The following DEFB109B variants were observed in gnomAD, a reference collection of about 807,000 sequenced individuals.
DEFB109B encodes the protein defensin beta 109B.
intron 1 of DEFB109B, among the ~76,000 whole-genome samples, chr8:7,315,626 A>G (rs1157848613): frequency 1.5e-5 from 2 of 132,302 alleles, no homozygotes; most frequent in African/African-American, 7.5e-5. Flanking sequence ...AACTATCACA[A>G]GCCCACACTC....
upstream of DEFB109B, among the ~76,000 whole-genome samples, chr8:7,312,194 A>G (rs1187893128): frequency 7.6e-6 from 1 of 131,006 alleles, no homozygotes; most frequent in Non-Finnish European, 1.5e-5. Context: ...GAGTGGGGAA[A>G]GAGCAATATG....
At chr8:7,318,944 T>C (rs914424862) in intron 1 of DEFB109B, 9 of 146,432 alleles carry the variant, frequency 6.1e-5, no homozygotes, top group Non-Finnish European at 1.2e-4. Flanking sequence ...ATCTATTCTA[T>C]GACTAAGACA....
upstream of DEFB109B, among the ~76,000 whole-genome samples, chr8:7,310,514 A>G (rs1802559780): frequency 7.4e-6 from 1 of 135,188 alleles, no homozygotes; most frequent in Non-Finnish European, 1.5e-5. Context: ...TATTAGGATT[A>G]TTTTAGTACT....
chr8:7,309,604 T>G (rs1463223959), upstream of DEFB109B, among the ~76,000 whole-genome samples: 3 of 148,126 alleles, frequency 2.0e-5, no homozygotes, highest in Admixed American at 6.6e-5. Flanking sequence ...CATGCCCTTC[T>G]GCATTGAGCA....
upstream of DEFB109B, among the ~76,000 whole-genome samples, chr8:7,310,652 A>C (rs549288921): frequency 6.9e-6 from 1 of 145,610 alleles, no homozygotes; most frequent in East Asian, 1.9e-4. Context: ...TGTATCCCAC[A>C]CTCCACATAG....
upstream of DEFB109B, among the ~76,000 whole-genome samples, chr8:7,309,686 G>A (rs1802501571): frequency 6.8e-6 from 1 of 146,572 alleles, no homozygotes; most frequent in African/African-American, 2.7e-5. Flanking sequence ...AGGACTTATT[G>A]CTTTTACCCA....
upstream of DEFB109B, among the ~76,000 whole-genome samples, chr8:7,309,632 G>T (rs1320049291): frequency 7.4e-5 from 11 of 147,958 alleles, no homozygotes; most frequent in African/African-American, 2.9e-4. Context: ...ATGAATCACA[G>T]GTATAAGACC....
At chr8:7,315,675 C>T (rs1431393773) in intron 1 of DEFB109B, among the ~76,000 whole-genome samples, 1 of 132,702 alleles carries the variant, frequency 7.5e-6, no homozygotes, top group African/African-American at 3.7e-5. Context: ...TTGTTTCCTT[C>T]TTATCTCCAT....
At chr8:7,316,916 C>G (rs1244378852) in intron 1 of DEFB109B, among the ~76,000 whole-genome samples, 1 of 127,238 alleles carries the variant, frequency 7.9e-6, no homozygotes. Flanking sequence ...GCTGCAATTA[C>G]AGGCATGAGC....
chr8:7,315,253 C>A (rs1030868284), intron 1 of DEFB109B, among the ~76,000 whole-genome samples: 2 of 122,100 alleles, frequency 1.6e-5, no homozygotes, highest in Non-Finnish European at 3.1e-5. Context: ...CGCGGTGGCT[C>A]ACGCCTGTAA....
At chr8:7,315,335 A>G (rs1316620998) in intron 1 of DEFB109B, among the ~76,000 whole-genome samples, 2 of 136,162 alleles carry the variant, frequency 1.5e-5, no homozygotes, top group Non-Finnish European at 3.0e-5. Context: ...CCCTTTCTCT[A>G]CTAAATACAA....
Position 7,319,738 on chromosome 8 carries a change from T to C in DEFB109B, n.59-8T>C, listed in dbSNP as rs1200618177. 2 of 147,866 alleles carry C rather than the reference T, an allele frequency of 1.4e-5. No homozygotes were observed. The highest frequency in any genetic ancestry group is 2.1e-4 in the South Asian group (1 of 4,802). The allele number at this position is 147,866 out of a possible 1,614,324, so 9.2% of individuals were successfully genotyped here. ...ACTAACTATCTCACTGGATCTTCTT[T>C]CCTTCAGTAAGAGGTGGTTTGGGTC... is the stretch of plus-strand genomic sequence containing the variant. On this transcript the variant is annotated splice_region_variant and splice_polypyrimidine_tract_variant and intron_variant and non_coding_transcript_variant, in intron 1 of 1. Transcript: ENST00000382656.
rs938367356 is a variant in DEFB109B at position 7,319,027 on chromosome 8, A to C, written n.59-719A>C. Reference sequence around the variant, plus strand: ...AAGTAATTTCTACTTATGTTTAAACAGGTGAAACCACGAATAAATTGAAAG... The same window carrying C: ...AAGTAATTTCTACTTATGTTTAAACCGGTGAAACCACGAATAAATTGAAAG... On this transcript the variant is annotated intron_variant and non_coding_transcript_variant, in intron 1 of 1. Transcript: ENST00000382656. 1.2e-4 allele frequency: 17 copies of C among 144,778 alleles called. 2 individuals are homozygous for C. The highest frequency in any genetic ancestry group is 4.3e-4 in the African/African-American group (15 of 34,614). The allele number at this position is 144,778 out of a possible 1,614,324, so 9.0% of individuals were successfully genotyped here. A position where few individuals can be genotyped will look rare whatever the true frequency, so the allele number is the denominator to read the frequency against.
upstream of DEFB109B, among the ~76,000 whole-genome samples, chr8:7,310,996 CT>C (rs1215611243): frequency 2.4e-5 from 1 of 41,572 alleles, no homozygotes; most frequent in Non-Finnish European, 4.2e-5. Context: ...AACTGAAGTG[CT>C]TTTCCCAACA....
chr8:7,315,882 G>C lies in DEFB109B; in HGVS notation n.58+2979G>C, dbSNP rs1381257873. Among the ~76,000 whole-genome samples the C allele has an allele frequency of 3.8e-5, 5 of 131,842 alleles. No homozygotes were observed. In the East Asian group the frequency reaches 6.3e-4, roughly 17 times the overall value. 86.5% of individuals were successfully genotyped at this position (131,842 alleles called of 152,430 possible). On this transcript the variant is annotated intron_variant and non_coding_transcript_variant, in intron 1 of 1. Transcript: ENST00000382656. The stretch of plus-strand genomic sequence containing the variant: ...AGCTTATTCTTTTGTCAGGGCAAGA[G>C]CATTTTTCTATAACTTTCTAAATTC...
At chr8:7,318,970 G>C (rs1345736067) in intron 1 of DEFB109B, 1 of 146,208 alleles carries the variant, frequency 6.8e-6, no homozygotes, top group African/African-American at 2.8e-5. Flanking sequence ...AGCAATTAAA[G>C]TAGATAGATC....
chr8:7,319,848 G>A (rs1395675667), exon 2 of DEFB109B: 1 of 81,152 alleles, frequency 1.2e-5, no homozygotes, highest in Non-Finnish European at 2.1e-5. Context: ...GGTGCCTGCC[G>A]AAGAAGGATG....
chr8:7,310,551 T>C (rs1802561654), upstream of DEFB109B, among the ~76,000 whole-genome samples: 2 of 139,292 alleles, frequency 1.4e-5, no homozygotes, highest in East Asian at 2.0e-4. Flanking sequence ...CTATCCAAGA[T>C]TGTCATCTGC....
chr8:7,315,547 A>G (rs1377273329), intron 1 of DEFB109B, among the ~76,000 whole-genome samples: 1 of 136,904 alleles, frequency 7.3e-6, no homozygotes, highest in Non-Finnish European at 1.5e-5. Context: ...AGAGAAAGAA[A>G]GAAAAGAAAA....
Sources: gnomAD v4.1 joint callset for allele counts (sites outside exome capture counted in the v4.1 genomes callset) on GRCh38, gnomAD v4.1.1 for gene constraint, MANE v1.5 for transcripts, NCBI Gene and HGNC (gene_info 2026-07-23, HGNC 2026-07-21) for gene names.